PTPRD: variants seen among roughly 807,000 people sequenced by gnomAD.
The protein encoded by PTPRD is protein tyrosine phosphatase receptor type D, also known as receptor-type tyrosine-protein phosphatase delta.
Under a neutral mutation model 214.5 loss-of-function variants are expected in PTPRD, and 34 were observed. The ratio of observed to expected loss-of-function variants is 0.16; its 90% CI spans 0.12 to 0.21. The LOEUF is 0.21. Among genes scored for constraint, PTPRD ranks in the 10% least tolerant of loss-of-function variants. PTPRD has a pLI of 1.00. For missense variants in PTPRD, 2,545 were observed against 2,398.7 expected (o/e 1.06, Z -1.27); for synonymous variants, 1,128 against 845.7 (o/e 1.33, Z -5.79).
intron 10 of PTPRD, among the ~76,000 whole-genome samples, chr9:9,150,441 T>C (rs115207867): frequency 0.034 from 5,046 of 146,900 alleles, 297 homozygotes; most frequent in African/African-American, 0.12. Context: ...TTATATATAA[T>C]ATATATGTAT....
chr9:10,435,518 T>C (rs1357214927), intron 2 of PTPRD, among the ~76,000 whole-genome samples: 1 of 151,878 alleles, frequency 6.6e-6, no homozygotes, highest in African/African-American at 2.4e-5. Context: ...GCTACTTTGC[T>C]CTTTTTCCTG....
chr9:10,593,851 C>T (rs981325506), intron 2 of PTPRD, among the ~76,000 whole-genome samples: 7 of 151,850 alleles, frequency 4.6e-5, no homozygotes, highest in Non-Finnish European at 7.4e-5. Context: ...ATAGACAGAA[C>T]ACAGGAAATC....
chr9:9,655,608 ACCAAACCAAG>A (rs771328641), intron 7 of PTPRD, among the ~76,000 whole-genome samples: 19 of 151,546 alleles, frequency 1.3e-4, no homozygotes, highest in African/African-American at 4.4e-4. Flanking sequence ...ACCAAACCAA[ACCAAACCAAG>A]CCAAACCAAA....
chr9:9,062,820 C>T (rs548324185), intron 10 of PTPRD, among the ~76,000 whole-genome samples: 2 of 152,138 alleles, frequency 1.3e-5, no homozygotes, highest in African/African-American at 2.4e-5. Flanking sequence ...TTAATAGGCA[C>T]CATGTGGCCT....
chr9:10,408,714 A>G (rs2098402959), intron 2 of PTPRD, among the ~76,000 whole-genome samples: 1 of 151,712 alleles, frequency 6.6e-6, no homozygotes, highest in Admixed American at 6.6e-5. Flanking sequence ...TTATCGTGTA[A>G]CAACTTGGGT....
intron 2 of PTPRD, among the ~76,000 whole-genome samples, chr9:10,477,840 T>G (rs2099073234): frequency 6.6e-6 from 1 of 152,030 alleles, no homozygotes; most frequent in Non-Finnish European, 1.5e-5. Flanking sequence ...GTAACATGGA[T>G]GAAGCTGGAA....
intron 3 of PTPRD, among the ~76,000 whole-genome samples, chr9:10,097,660 G>A (rs1033340505): frequency 1.3e-5 from 2 of 151,668 alleles, no homozygotes; most frequent in East Asian, 3.9e-4. Flanking sequence ...GGGTTTTCTA[G>A]ATATACAATC....
intron 9 of PTPRD, among the ~76,000 whole-genome samples, chr9:9,338,942 CA>C (rs1237978899): frequency 6.6e-6 from 1 of 151,350 alleles, no homozygotes; most frequent in East Asian, 1.9e-4. Flanking sequence ...AAAGAGTGGC[CA>C]AAAATGTTAC....
chr9:8,385,739 G>A (rs1564451309), intron 37 of PTPRD, among the ~76,000 whole-genome samples: 1 of 152,142 alleles, frequency 6.6e-6, no homozygotes, highest in African/African-American at 2.4e-5. Context: ...TATAGTCAAT[G>A]TAGCAGCCGG....
At chr9:10,142,480 T>G (rs183931468) in intron 3 of PTPRD, among the ~76,000 whole-genome samples, 72 of 152,186 alleles carry the variant, frequency 4.7e-4, no homozygotes, top group African/African-American at 1.7e-3. Context: ...GAACAGACAC[T>G]TCTCAAAAGA....
At chr9:9,961,704 C>A (rs866676683) in intron 4 of PTPRD, among the ~76,000 whole-genome samples, 9 of 152,250 alleles carry the variant, frequency 5.9e-5, no homozygotes, top group Non-Finnish European at 1.0e-4. Flanking sequence ...CCTTCACTTA[C>A]TCTGACAATC....
chr9:9,968,529 G>A (rs1461987245), intron 4 of PTPRD, among the ~76,000 whole-genome samples: 1 of 152,138 alleles, frequency 6.6e-6, no homozygotes, highest in Non-Finnish European at 1.5e-5. Flanking sequence ...TCTTGACATA[G>A]TGGTCCAGAG....
intron 12 of PTPRD, among the ~76,000 whole-genome samples, chr9:8,649,754 A>G (rs967758977): frequency 6.6e-6 from 1 of 152,260 alleles, no homozygotes; most frequent in Non-Finnish European, 1.5e-5. Context: ...AGAGTTTTAC[A>G]ATACATATTT....
At chr9:9,131,842 T>TTTTTTTTTTTTTTTTTGAG (rs1253047538) in intron 10 of PTPRD, among the ~76,000 whole-genome samples, 2 of 152,158 alleles carry the variant, frequency 1.3e-5, no homozygotes, top group African/African-American at 2.4e-5. Context: ...ATATGTTTCT[T>TTTTTTTTTTTTTTTTTGAG]AAAACAACAT....
At chr9:9,300,783 T>A (rs1267351889) in intron 9 of PTPRD, among the ~76,000 whole-genome samples, 1 of 151,886 alleles carries the variant, frequency 6.6e-6, no homozygotes, top group Non-Finnish European at 1.5e-5. Context: ...TTTCTGCTGT[T>A]TATAAGCCAT....
chr9:9,241,246 C>T (rs996078942), intron 9 of PTPRD, among the ~76,000 whole-genome samples: 4 of 152,074 alleles, frequency 2.6e-5, no homozygotes, highest in Non-Finnish European at 5.9e-5. Flanking sequence ...CTATTTGTTA[C>T]AGCAATTTGG....
At chr9:9,227,079 TA>T (rs2099959953) in intron 9 of PTPRD, among the ~76,000 whole-genome samples, 1 of 152,098 alleles carries the variant, frequency 6.6e-6, no homozygotes, top group South Asian at 2.1e-4. Context: ...TGAAATAGGT[TA>T]AGAAAGTAAT....
At chr9:9,692,426 G>A (rs2154404462) in intron 7 of PTPRD, among the ~76,000 whole-genome samples, 1 of 151,986 alleles carries the variant, frequency 6.6e-6, no homozygotes, top group South Asian at 2.1e-4. Flanking sequence ...TGTCAAAAAT[G>A]AGCCCACTGT....
intron 4 of PTPRD, among the ~76,000 whole-genome samples, chr9:10,018,616 C>T (rs533238395): frequency 8.7e-6 from 1 of 115,520 alleles, no homozygotes; most frequent in Non-Finnish European, 1.7e-5. Context: ...GGCGGGATCT[C>T]GGCTCACTGC....
Sources: gnomAD v4.1 joint callset for allele counts (sites outside exome capture counted in the v4.1 genomes callset) on GRCh38, gnomAD v4.1.1 for gene constraint, MANE v1.5 for transcripts, NCBI Gene and HGNC (gene_info 2026-07-23, HGNC 2026-07-21) for gene names.